TSNARE1: variants seen among roughly 807,000 people sequenced by gnomAD.
TSNARE1 encodes the protein t-SNARE domain-containing protein 1.
TSNARE1 carries 49 observed loss-of-function variants against 62.0 expected under a neutral mutation model. That is an observed-to-expected ratio of 0.79 (90% CI 0.63 to 1.00). The LOEUF is 1.00. Among genes scored for constraint, TSNARE1 ranks in the 50% least tolerant of loss-of-function variants. The pLI is 0.00. For missense variants in TSNARE1, 755 were observed against 700.1 expected (o/e 1.08, Z -0.88); for synonymous variants, 328 against 294.4 (o/e 1.11, Z -1.17).
intron 11 of TSNARE1, chr8:142,280,221 C>T (rs150254169): frequency 1.2e-5 from 12 of 985,330 alleles, no homozygotes; most frequent in East Asian, 1.1e-4. Context: ...AGTGGGGGCC[C>T]GGCCGCAGGG....
Position 142,330,804 on chromosome 8 carries a change from G to A in TSNARE1, c.893+97C>T, listed in dbSNP as rs114814171. 662 of 1,275,118 alleles carry A rather than the reference G, an allele frequency of 5.2e-4. 7 individuals are homozygous for A. The African/African-American group carries it at 8.2e-3, about 16-fold the overall frequency. The allele number at this position is 1,275,118 out of a possible 1,614,324, so 79.0% of individuals were successfully genotyped here. ...GGCAGCTGTGCGCAAGCAGCTGTGT[G>A]GACAAAGCCCGTGTGCACAGGAGGA... is the stretch of plus-strand genomic sequence containing the variant. On this transcript the variant is annotated intron_variant, in intron 6 of 13. Transcript: ENST00000524325.
chr8:142,232,012 C>A (rs1563764413), intron 12 of TSNARE1, among the ~76,000 whole-genome samples: 1 of 152,362 alleles, frequency 6.6e-6, no homozygotes, highest in East Asian at 1.9e-4. Context: ...CTGAGGGGAG[C>A]AAAGGGCATG....
chr8:142,373,570 C>T (rs1182522003), intron 1 of TSNARE1, among the ~76,000 whole-genome samples: 1 of 152,140 alleles, frequency 6.6e-6, no homozygotes, highest in Non-Finnish European at 1.5e-5. Flanking sequence ...CCTGAGACCA[C>T]ACCACCATCC....
intron 11 of TSNARE1, chr8:142,276,974 C>T (rs746009001): frequency 1.5e-4 from 146 of 985,362 alleles, no homozygotes; most frequent in Non-Finnish European, 1.7e-4. Context: ...CAGAGATGCA[C>T]AAGGGGAGGG....
intron 1 of TSNARE1, among the ~76,000 whole-genome samples, chr8:142,367,596 G>A (rs894109913): frequency 6.6e-6 from 1 of 152,160 alleles, no homozygotes; most frequent in Non-Finnish European, 1.5e-5. Flanking sequence ...GAGATATTCT[G>A]GCATTTGATA....
At chr8:142,312,961 T>A (rs1416108266) in intron 9 of TSNARE1, among the ~76,000 whole-genome samples, 2 of 152,264 alleles carry the variant, frequency 1.3e-5, no homozygotes, top group East Asian at 3.8e-4. Flanking sequence ...TGCTCCGATG[T>A]TTCCCCCATG....
intron 12 of TSNARE1, among the ~76,000 whole-genome samples, chr8:142,266,115 T>G (rs1035812520): frequency 6.6e-6 from 1 of 152,360 alleles, no homozygotes; most frequent in Admixed American, 6.5e-5. Context: ...TAGCACAGGC[T>G]AAAATTAATC....
At chr8:142,368,734 G>T (rs6583620) in intron 1 of TSNARE1, among the ~76,000 whole-genome samples, 12 of 152,010 alleles carry the variant, frequency 7.9e-5, no homozygotes, top group Admixed American at 7.9e-4. Context: ...GCAGACGGGC[G>T]GCCCTGCAGC....
chr8:142,275,583 G>A (rs573439576), intron 11 of TSNARE1: 823 of 985,442 alleles, frequency 8.4e-4, no homozygotes, highest in Non-Finnish European at 9.3e-4. Context: ...CACCAGGAGC[G>A]CAGGCACAGC....
chr8:142,280,696 G>C (rs1281333084), intron 11 of TSNARE1, among the ~76,000 whole-genome samples: 5 of 152,182 alleles, frequency 3.3e-5, no homozygotes, highest in Non-Finnish European at 7.4e-5. Context: ...GGCACCTGAA[G>C]TGGACAAAGC....
intron 1 of TSNARE1, among the ~76,000 whole-genome samples, chr8:142,369,379 A>G (rs1835772959): frequency 6.6e-6 from 1 of 152,232 alleles, no homozygotes; most frequent in Non-Finnish European, 1.5e-5. Flanking sequence ...CCCATTTCTG[A>G]GCATAAATAT....
intron 12 of TSNARE1, among the ~76,000 whole-genome samples, chr8:142,254,398 C>T (rs915707552): frequency 1.3e-5 from 2 of 152,194 alleles, no homozygotes; most frequent in African/African-American, 4.8e-5. Context: ...GACCCAAGCC[C>T]ACCTGGCCAA....
chr8:142,288,086 G>C (rs1350834906), intron 10 of TSNARE1, among the ~76,000 whole-genome samples: 4 of 152,258 alleles, frequency 2.6e-5, no homozygotes, highest in Non-Finnish European at 5.9e-5. Flanking sequence ...TGTGTCCCTG[G>C]GGGGAAGCAT....
chr8:142,304,185 C>G (rs538039559), intron 9 of TSNARE1, among the ~76,000 whole-genome samples: 2 of 152,264 alleles, frequency 1.3e-5, no homozygotes, highest in East Asian at 3.8e-4. Flanking sequence ...TAATTATCAC[C>G]TCCCCTTCCT....
chr8:142,275,070 T>G, intron 11 of TSNARE1: 1 of 985,314 alleles, frequency 1.0e-6, no homozygotes, highest in Non-Finnish European at 1.2e-6. Flanking sequence ...AACGGAGGCC[T>G]GGAGGTGGCC....
intron 12 of TSNARE1, among the ~76,000 whole-genome samples, chr8:142,264,798 G>A (rs902402408): frequency 6.6e-6 from 1 of 152,104 alleles, no homozygotes; most frequent in African/African-American, 2.4e-5. Context: ...ATGTTGGAGT[G>A]CCTCTCTTGT....
At chr8:142,365,602 GCACACA>G (rs1554674591) in intron 1 of TSNARE1, among the ~76,000 whole-genome samples, 26 of 144,402 alleles carry the variant, frequency 1.8e-4, no homozygotes, top group Non-Finnish European at 3.0e-4. Context: ...ACATGCACAC[GCACACA>G]CACACACACA....
upstream of TSNARE1, chr8:142,406,622 T>A (rs1345994474): frequency 6.6e-6 from 1 of 152,292 alleles, no homozygotes. Flanking sequence ...AACACCAGAC[T>A]AAGCCCTGTC....
At chr8:142,264,522 C>T (rs2130427121) in intron 12 of TSNARE1, among the ~76,000 whole-genome samples, 1 of 152,292 alleles carries the variant, frequency 6.6e-6, no homozygotes, top group South Asian at 2.1e-4. Context: ...CTGAAACCTT[C>T]CGCTGTCCTG....
Sources: allele counts gnomAD v4.1 joint callset (sites outside exome capture counted in the v4.1 genomes callset), GRCh38; gene constraint gnomAD v4.1.1; transcripts MANE v1.5; gene names NCBI Gene and HGNC (gene_info 2026-07-23, HGNC 2026-07-21).